Variants in MMP19 observed in about 807,000 individuals in gnomAD.
MMP19 encodes the protein matrix metallopeptidase 19, also known as matrix metalloproteinase-19.
Under a neutral mutation model 46.6 loss-of-function variants are expected in MMP19, and 47 were observed. The ratio of observed to expected loss-of-function variants is 1.01; its 90% CI spans 0.80 to 1.29. MMP19 has a LOEUF of 1.29. Among genes scored for constraint, MMP19 ranks in the 50% most tolerant of loss-of-function variants. The probability of loss-of-function intolerance (pLI) is 0.00; values close to 1 mark genes in which losing one functional copy is unlikely to be tolerated. For synonymous variants in MMP19, 222 were observed against 248.5 expected (o/e 0.89, Z 1.00); for missense variants, 589 against 643.5 (o/e 0.92, Z 0.92).
chr12:55,840,570 A>C, intron 4 of MMP19, 97 bp downstream of exon 4: 1 of 1,273,380 alleles, frequency 7.9e-7, no homozygotes, highest in Non-Finnish European at 1.1e-6. Context: ...GGTGGGATAA[A>C]GAGCAGCCCA....
At position 55,838,648 on chromosome 12, in the gene MMP19, T is replaced by G. The variant is rs770926355; in HGVS notation, c.853A>C (p.Met285Leu). ...AGTTCACTACTGCAAGGGTCTGGCA[T>G]GGGACTGGGTTCTGTGGGCACTGGG... ...VPPVPTEPSP[M>L]PDPCSSELDA... The change falls in exon 6 of 9, where the codon ATG (methionine) becomes CTG (leucine). Residue 285 changes from methionine to leucine, a missense_variant. Coordinates refer to ENST00000322569, the MANE Select transcript of MMP19 (RefSeq NM_002429.6). 5.0e-6 allele frequency: 8 copies of G among 1,614,004 alleles called. No homozygotes were observed. The South Asian group carries it at 8.8e-5, about 18-fold the overall frequency.
rs369026881 is a variant in MMP19, at chr12:55,839,533, C to T, written c.729G>A (p.Leu243=). ...GGATCCCTGCCACATCATCTGGGTG[C>T]AGCTTAAAGTGGGGCCGGTAGCCCT... ...VYEGYRPHFK[L]HPDDVAGIQA... The change falls in exon 5 of 9, where the codon CTG becomes CTA. Residue 243 remains leucine, a synonymous_variant. Coordinates refer to ENST00000322569, the MANE Select transcript of MMP19 (RefSeq NM_002429.6). 126 of 1,612,884 alleles carry T rather than the reference C, an allele frequency of 7.8e-5. No individual in the cohort carries two copies. In the Middle Eastern group the frequency reaches 7.6e-3, roughly 97 times the overall value.
Position 55,842,890 on chromosome 12 carries a change from G to T in MMP19, c.-60C>A. The T allele has an allele frequency of 7.2e-7, 1 of 1,392,008 alleles. No homozygotes were observed. Among genetic ancestry groups the T allele is most frequent in the African/African-American group, 1.4e-5 (1 of 70,206 alleles). The allele number at this position is 1,392,008 out of a possible 1,614,324, so 86.2% of individuals were successfully genotyped here. A position where few individuals can be genotyped will look rare whatever the true frequency, so the allele number is the denominator to read the frequency against. On this transcript the variant is annotated 5_prime_UTR_variant, in exon 1 of 9. Coordinates refer to ENST00000322569, the MANE Select transcript of MMP19 (RefSeq NM_002429.6). Reference sequence around the variant, plus strand: ...TGCCTCTGACCTGAGATTTCTGGGAGCCTTGGGGGAGCAGTGCTAGGCAGA... The same window carrying T: ...TGCCTCTGACCTGAGATTTCTGGGATCCTTGGGGGAGCAGTGCTAGGCAGA...
chr12:55,837,654 G>T lies in MMP19; in HGVS notation c.1089C>A (p.Phe363Leu), dbSNP rs201808957. Reference sequence around the variant, plus strand: ...TCTTGGGGAAGCCAGGAGACATCTTGAAATTAATGTAGCGCCACACCTTGT... The same window carrying T: ...TCTTGGGGAAGCCAGGAGACATCTTTAAATTAATGTAGCGCCACACCTTGT... Reference protein sequence around the residue: ...KGDKVWRYINFKMSPGFPKKL... With the variant: ...KGDKVWRYINLKMSPGFPKKL... The change falls in exon 8 of 9, where the codon TTC becomes TTA. Residue 363 changes from phenylalanine (F) to leucine (L), a missense_variant. By Grantham distance (22) the Phe-to-Leu change is conservative. Coordinates refer to ENST00000322569, the MANE Select transcript of MMP19 (RefSeq NM_002429.6). 65 of 1,614,192 alleles carry T rather than the reference G, an allele frequency of 4.0e-5. No individual in the cohort carries two copies. The highest frequency in any genetic ancestry group is 1.7e-6 in the Non-Finnish European group (2 of 1,180,034).
At position 55,839,591 on chromosome 12, in the gene MMP19, C is replaced by A; in HGVS notation, c.671G>T (p.Arg224Leu). The change falls in exon 5 of 9, where the codon CGA becomes CTA. Residue 224 changes from arginine (R) to leucine (L), a missense_variant. Transcript: ENST00000322569. ...VGHALGLGHS[R>L]YSQALMAPVY... ...TGGGGCCATGAGGGCCTGGGAATATCGGGAGTGCCCAAGCCCCAGAGCATG... is the reference window on the plus strand; with the variant it reads ...TGGGGCCATGAGGGCCTGGGAATATAGGGAGTGCCCAAGCCCCAGAGCATG... 1 of 1,614,192 alleles carries A rather than the reference C, an allele frequency of 6.2e-7. No homozygotes were observed. The highest frequency in any genetic ancestry group is 8.5e-7 in the Non-Finnish European group (1 of 1,180,026).
At chr12:55,840,075 C>T (rs965265386) in intron 4 of MMP19, 1 of 263,356 alleles carries the variant, frequency 3.8e-6, no homozygotes, top group African/African-American at 2.2e-5. Context: ...CCTGTAATCC[C>T]AACACTTTCA....
At chr12:55,838,878 T>C in intron 5 of MMP19, 144 bp from the exon 6 acceptor site, 2 of 646,588 alleles carry the variant, frequency 3.1e-6, no homozygotes, top group Non-Finnish European at 5.3e-6. Flanking sequence ...GGCAATATTA[T>C]GTTGATATCA....
At chr12:55,839,208 C>T (rs1368412826) in intron 5 of MMP19, among the ~76,000 whole-genome samples, 5 of 146,196 alleles carry the variant, frequency 3.4e-5, no homozygotes, top group Non-Finnish European at 5.9e-5. Flanking sequence ...TGCCATTGCA[C>T]TCCAGCCTGG....
rs1383229068 is a variant in MMP19, at chr12:55,836,768, G to A, written c.*268C>T. On this transcript the variant is annotated 3_prime_UTR_variant, in exon 9 of 9. Coordinates refer to ENST00000322569, the MANE Select transcript of MMP19 (RefSeq NM_002429.6). ...GGGCTGTCTAAGACAGACAGGAAAT[G>A]GAGTTGGGGGCCAAATCTAAGTTAG... The A allele has an allele frequency of 9.3e-6, 3 of 322,980 alleles. No homozygotes were observed. In the Admixed American group the frequency reaches 1.4e-4, roughly 15 times the overall value. 20.0% of individuals were successfully genotyped at this position (322,980 alleles called of 1,614,324 possible).
intron 7 of MMP19, 58 bp downstream of exon 7, chr12:55,837,785 T>C (rs569722411): frequency 2.5e-6 from 4 of 1,594,376 alleles, no homozygotes; most frequent in Admixed American, 3.5e-5. Context: ...CCCTCCCTTT[T>C]ATAGTTTCTT....
chr12:55,837,236 A>C lies in MMP19; in HGVS notation c.1327T>G (p.Phe443Val). 6.2e-7 allele frequency: 1 copy of C among 1,614,218 alleles called. No homozygotes were observed. The highest frequency in any genetic ancestry group is 1.6e-4 in the Middle Eastern group (1 of 6,062). ...MSWQDGRVYF[F>V]KGKVYWRLNQ... ...AGGCGCCAGTAGACTTTGCCCTTGA[A>C]GAAGTAGACTCGGCCATCTTGCCAA... is the stretch of plus-strand genomic sequence containing the variant. The change falls in exon 9 of 9, where the codon TTC becomes GTC. Residue 443 changes from phenylalanine to valine, a missense_variant. Physicochemically the swap from Phe to Val is conservative, Grantham distance 50. Coordinates refer to ENST00000322569, the MANE Select transcript of MMP19 (RefSeq NM_002429.6).
rs762659768 is a variant in MMP19 at position 55,837,022 on chromosome 12, C to T, written c.*14G>A. On this transcript the variant is annotated 3_prime_UTR_variant, in exon 9 of 9. Coordinates refer to ENST00000322569, the MANE Select transcript of MMP19 (RefSeq NM_002429.6). Reference sequence around the variant, plus strand: ...CAGGGGTTAATGTCCAAGATTGTGTCTGTGGGTGAGCAGTCAGTATTCAAA... The same window carrying T: ...CAGGGGTTAATGTCCAAGATTGTGTTTGTGGGTGAGCAGTCAGTATTCAAA... The T allele has an allele frequency of 3.9e-6, 6 of 1,545,872 alleles. No individual in the cohort carries two copies. The highest frequency in any genetic ancestry group is 5.3e-6 in the Non-Finnish European group (6 of 1,142,698).
intron 5 of MMP19, 112 bp downstream of exon 5, chr12:55,839,384 G>C: frequency 1.5e-6 from 2 of 1,344,232 alleles, no homozygotes; most frequent in Non-Finnish European, 2.0e-6. Flanking sequence ...AACTGGGCTG[G>C]AGGAGAAGAA....
Position 55,837,875 on chromosome 12 carries a change from G to A in MMP19, c.1028C>T (p.Ser343Leu), listed in dbSNP as rs138407292. The A allele has an allele frequency of 3.1e-5, 50 of 1,612,538 alleles. 1 individual carries two copies. The highest frequency in any genetic ancestry group is 3.3e-4 in the Middle Eastern group (2 of 6,056). Residue 343 changes from serine (S) to leucine (L), a missense_variant, in exon 7 of 9, where the codon TCG becomes TTG. By Grantham distance (145) the Ser-to-Leu change is moderately radical. Coordinates refer to ENST00000322569, the MANE Select transcript of MMP19 (RefSeq NM_002429.6). ...GAAGTGAATCCATTGTGTTCGAGGC[G>A]AGTAGACAGCAGCATCCAGGTTTCC... ...LPGNLDAAVY[S>L]PRTQWIHFFK...
rs770162594 is a variant in MMP19 at position 55,842,418 on chromosome 12, C to T, written c.108G>A (p.Gly36=). 1 of 1,613,364 alleles carries T rather than the reference C, an allele frequency of 6.2e-7. No homozygotes were observed. Among genetic ancestry groups the T allele is most frequent in the Admixed American group, 1.7e-5 (1 of 60,024 alleles). ...VAPVDYLSQY[G]YLQKPLEGSN... ...ATCCTTCTAGAGGCTTCTGTAGGTA[C>T]CCATATTGTGACAGGTAGTCCTATG... Residue 36 remains glycine, a synonymous_variant, in exon 2 of 9, where the codon GGG becomes GGA. Coordinates refer to ENST00000322569, the MANE Select transcript of MMP19 (RefSeq NM_002429.6).
rs751732515 is a variant in MMP19 at position 55,838,712 on chromosome 12, C to T, written c.789G>A (p.Arg263=). 1 of 1,605,766 alleles carries T rather than the reference C, an allele frequency of 6.2e-7. No individual in the cohort carries two copies. Among genetic ancestry groups the T allele is most frequent in the Non-Finnish European group, 8.5e-7 (1 of 1,175,186 alleles). Residue 263 remains arginine (R), a synonymous_variant, in exon 6 of 9, where the codon AGG becomes AGA. Coordinates refer to ENST00000322569, the MANE Select transcript of MMP19 (RefSeq NM_002429.6). ...ALYGKKSPVI[R]DEEEEETELP... ...GCTCTGTCTCTTCTTCTTCCTCATC[C>T]CTTATCACTGGACTCTTCTTGCCTA... is the stretch of plus-strand genomic sequence containing the variant.
Position 55,842,322 on chromosome 12 carries a change from C to A in MMP19, c.173+31G>T, listed in dbSNP as rs1449281303. Reference sequence around the variant, plus strand: ...AAGGAAGAAGACCTTGAGACCTTAGCCCTAAAGGCATACACCTCATAGCTT... The same window carrying A: ...AAGGAAGAAGACCTTGAGACCTTAGACCTAAAGGCATACACCTCATAGCTT... On this transcript the variant is annotated intron_variant, in intron 2 of 8. Coordinates refer to ENST00000322569, the MANE Select transcript of MMP19 (RefSeq NM_002429.6). 1.9e-6 allele frequency: 3 copies of A among 1,561,998 alleles called. No homozygotes were observed. In the African/African-American group the frequency reaches 4.1e-5, roughly 21 times the overall value.
intron 5 of MMP19, among the ~76,000 whole-genome samples, chr12:55,839,062 A>C (rs1396898591): frequency 6.6e-6 from 1 of 152,034 alleles, no homozygotes; most frequent in Non-Finnish European, 1.5e-5. Context: ...CAACATGGTG[A>C]AACCCCATCT....
At chr12:55,840,447 GAGA>G (rs1315599719) in intron 4 of MMP19, among the ~76,000 whole-genome samples, 1 of 146,140 alleles carries the variant, frequency 6.8e-6, no homozygotes, top group Admixed American at 6.8e-5. Context: ...GGGAAGGAGA[GAGA>G]AGGAGAGAAG....
Sources: allele counts gnomAD v4.1 joint callset (sites outside exome capture counted in the v4.1 genomes callset), GRCh38; gene constraint gnomAD v4.1.1; transcripts MANE v1.5; gene names NCBI Gene and HGNC (gene_info 2026-07-23, HGNC 2026-07-21).